The following CACNA1C variants were observed in gnomAD, a reference collection of about 807,000 sequenced individuals.
CACNA1C encodes the protein calcium voltage-gated channel subunit alpha1 C, also known as voltage-dependent L-type calcium channel subunit alpha-1C.
In CACNA1C, 30 loss-of-function variants were observed where a neutral mutation model predicts 229.0. That is an observed-to-expected ratio of 0.13 (90% CI 0.10 to 0.18). The LOEUF (loss-of-function observed/expected upper bound fraction) is 0.18, where lower values mean the gene tolerates loss of function less well. Ranked by LOEUF, CACNA1C falls within the 10% of genes least tolerant of loss-of-function variation. The probability of loss-of-function intolerance (pLI) is 1.00; values close to 1 mark genes in which losing one functional copy is unlikely to be tolerated. For synonymous variants in CACNA1C, 1,114 were observed against 1,132.5 expected (o/e 0.98, Z 0.33); for missense variants, 1,658 against 2,845.0 (o/e 0.58, Z 9.49).
At chr12:2,009,645 C>T (rs557632833) in intron 1 of CACNA1C, among the ~76,000 whole-genome samples, 3 of 152,232 alleles carry the variant, frequency 2.0e-5, no homozygotes, top group Admixed American at 1.3e-4. Flanking sequence ...ATGAGTTGCC[C>T]TTTTTTTGCT....
chr12:2,679,770 G>A lies in CACNA1C; in HGVS notation c.5418G>A (p.Glu1806=), dbSNP rs779157028. The change falls in exon 42 of 47, where the codon GAG becomes GAA. Residue 1806 remains glutamate (E), a synonymous_variant. Transcript: ENST00000399655. This position sits in a 1 kb window ranked among gnomAD's most constrained non-coding sequence, Gnocchi z 5.5. The part of the protein sequence containing the change: ...PPLSPAIRVQ[E]VAWKLSSNRC... ...TGTCCCCTGCCATCCGGGTGCAGGA[G>A]GTGGCGTGGAAGCTCAGCTCCAACA... is the stretch of plus-strand genomic sequence containing the variant. 1.9e-6 allele frequency: 3 copies of A among 1,579,950 alleles called. No individual in the cohort carries two copies. The highest frequency in any genetic ancestry group is 2.3e-5 in the South Asian group (2 of 86,874).
chr12:2,574,880 A>G (rs1332575840), intron 13 of CACNA1C, among the ~76,000 whole-genome samples: 1 of 152,194 alleles, frequency 6.6e-6, no homozygotes, highest in East Asian at 1.9e-4. Flanking sequence ...CTGTCAACAC[A>G]ATGGGTGGTT....
chr12:2,396,687 T>C (rs1403031247), intron 3 of CACNA1C, among the ~76,000 whole-genome samples: 7 of 152,268 alleles, frequency 4.6e-5, no homozygotes, highest in Admixed American at 2.6e-4. Flanking sequence ...CCCTGGCCTA[T>C]GGCCACACAG....
At chr12:2,072,430 G>A (rs2061692610) in intron 1 of CACNA1C, among the ~76,000 whole-genome samples, 1 of 152,064 alleles carries the variant, frequency 6.6e-6, no homozygotes, top group East Asian at 1.9e-4. Flanking sequence ...AAACTCCTGA[G>A]GTCAGGCAAT....
At position 2,456,336 on chromosome 12, in the gene CACNA1C, G is replaced by C. The variant is rs1228217708; in HGVS notation, c.618-1231G>C. On this transcript the variant is annotated intron_variant, in intron 4 of 46. Coordinates refer to ENST00000399655, the MANE Select transcript of CACNA1C (RefSeq NM_000719.7). ...GGATGACTGCCGCAGCTGGTCTCTGGCCTCGCCCCCGACAGGGGAGTCTCC... is the reference window on the plus strand; with the variant it reads ...GGATGACTGCCGCAGCTGGTCTCTGCCCTCGCCCCCGACAGGGGAGTCTCC... 7.2e-5 allele frequency among the ~76,000 whole-genome samples: 11 copies of C among 152,292 alleles called. No homozygotes were observed. In the South Asian group the frequency reaches 2.3e-3, roughly 32 times the overall value.
At chr12:2,496,828 A>C (rs924079659) in intron 7 of CACNA1C, among the ~76,000 whole-genome samples, 3 of 152,200 alleles carry the variant, frequency 2.0e-5, no homozygotes, top group African/African-American at 7.2e-5. Context: ...TTGGAAATGA[A>C]ACAAAACTCG....
intron 1 of CACNA1C, among the ~76,000 whole-genome samples, chr12:1,981,678 C>G (rs1284586166): frequency 1.3e-5 from 2 of 152,138 alleles, no homozygotes; most frequent in Non-Finnish European, 2.9e-5. Flanking sequence ...TTTCAACAGA[C>G]AAGTGCTCAA....
intron 3 of CACNA1C, chr12:2,269,889 G>A (rs1332927330): frequency 6.6e-6 from 1 of 152,246 alleles, no homozygotes. Context: ...GACCATGAGG[G>A]AGAAACCATA....
At chr12:2,156,425 T>G (rs2095557593) in intron 3 of CACNA1C, among the ~76,000 whole-genome samples, 1 of 152,210 alleles carries the variant, frequency 6.6e-6, no homozygotes, top group African/African-American at 2.4e-5. Flanking sequence ...CGTTAAAAAA[T>G]GCATAAACCA....
rs759734767 is a variant in CACNA1C, at chr12:2,584,507, C to T, written c.2229C>T (p.Ile743=). ...TTTAAGAATGGACACAAACAGATAT[C>T]CTACTGAATGTGTTCTTGGCCATTG... is the stretch of plus-strand genomic sequence containing the variant. The part of the protein sequence containing the change: ...FIILFICGNY[I]LLNVFLAIAV... Residue 743 remains isoleucine, a synonymous_variant, in exon 16 of 47, where the codon ATC becomes ATT. Coordinates refer to ENST00000399655, the MANE Select transcript of CACNA1C (RefSeq NM_000719.7). 1 of 1,607,640 alleles carries T rather than the reference C, an allele frequency of 6.2e-7. No individual in the cohort carries two copies. Among genetic ancestry groups the T allele is most frequent in the Admixed American group, 1.7e-5 (1 of 60,008 alleles).
At chr12:2,234,553 G>A (rs772481959) in intron 3 of CACNA1C, among the ~76,000 whole-genome samples, 11 of 152,182 alleles carry the variant, frequency 7.2e-5, no homozygotes, top group Non-Finnish European at 1.2e-4. Flanking sequence ...AGCCTGGAGC[G>A]TTCGCCCCAG....
intron 1 of CACNA1C, among the ~76,000 whole-genome samples, chr12:2,036,255 T>C (rs2049116333): frequency 6.6e-6 from 1 of 152,138 alleles, no homozygotes; most frequent in Non-Finnish European, 1.5e-5. Flanking sequence ...AGTGTCTGAG[T>C]GGGCCGTGGG....
rs746271719 is a variant in CACNA1C at position 2,682,640 on chromosome 12, G to A, written c.5535G>A (p.Thr1845=). 8 of 1,612,170 alleles carry A rather than the reference G, an allele frequency of 5.0e-6. No individual in the cohort carries two copies. The highest frequency in any genetic ancestry group is 2.2e-5 in the East Asian group (1 of 44,830). ...ATGAAGTGAAGATGAACCATGACAC[G>A]GAGGCCTGCAGTGAGCCCAGCCTGC... ...ETYEVKMNHD[T]EACSEPSLLS... is the part of the protein sequence containing the mutation. The change falls in exon 43 of 47, where the codon ACG becomes ACA. Residue 1845 remains threonine, a synonymous_variant. Coordinates refer to ENST00000399655, the MANE Select transcript of CACNA1C (RefSeq NM_000719.7).
intron 1 of CACNA1C, among the ~76,000 whole-genome samples, chr12:2,105,444 G>A (rs1193176064): frequency 6.6e-6 from 1 of 152,210 alleles, no homozygotes; most frequent in African/African-American, 2.4e-5. Context: ...AACTGTGTCT[G>A]TAGCAGGATG....
rs987110584 is a variant in CACNA1C, at chr12:2,689,286, G to A, written c.6117+507G>A. Among the ~76,000 whole-genome samples the A allele has an allele frequency of 3.7e-4, 56 of 152,128 alleles. No individual in the cohort carries two copies. The highest frequency in any genetic ancestry group is 1.3e-3 in the African/African-American group (52 of 41,486). On this transcript the variant is annotated intron_variant, in intron 46 of 46. Coordinates refer to ENST00000399655, the MANE Select transcript of CACNA1C (RefSeq NM_000719.7). This position sits in a 1 kb window ranked among gnomAD's most constrained non-coding sequence, Gnocchi z 4.2. ...TGGTCAGAGCATCTAGTGCAATCCC[G>A]GCACCACATTATTAGGGACCTTTGA...
At chr12:2,288,864 A>G (rs1186224032) in intron 3 of CACNA1C, 1 of 152,228 alleles carries the variant, frequency 6.6e-6, no homozygotes, top group African/African-American at 2.4e-5. Flanking sequence ...GTGACCTGAA[A>G]ATTACAATGT....
At chr12:1,979,835 A>G (rs898001926) in intron 1 of CACNA1C, among the ~76,000 whole-genome samples, 1 of 152,230 alleles carries the variant, frequency 6.6e-6, no homozygotes, top group African/African-American at 2.4e-5. Context: ...TTTGGGCTTT[A>G]ATCTGCATAG....
At chr12:2,335,408 T>C (rs1287789482) in intron 3 of CACNA1C, among the ~76,000 whole-genome samples, 1 of 151,920 alleles carries the variant, frequency 6.6e-6, no homozygotes, top group East Asian at 1.9e-4. Context: ...TGATTTTCTT[T>C]AGGTCATCTG....
chr12:2,395,342 C>G (rs769508958), intron 3 of CACNA1C, among the ~76,000 whole-genome samples: 29 of 152,024 alleles, frequency 1.9e-4, no homozygotes, highest in Non-Finnish European at 5.9e-5. Flanking sequence ...CCTCAGCCTC[C>G]CAAGTAGCTG....
Sources: gnomAD v4.1 joint callset for allele counts (sites outside exome capture counted in the v4.1 genomes callset) on GRCh38, gnomAD v4.1.1 for gene constraint, Gnocchi (gnomAD v3.1) non-coding constraint, MANE v1.5 for transcripts, NCBI Gene and HGNC (gene_info 2026-07-23, HGNC 2026-07-21) for gene names.